Variants in PCCA observed in about 807,000 individuals in gnomAD.
The protein encoded by PCCA is propionyl-CoA carboxylase alpha chain, mitochondrial.
Under a neutral mutation model 101.3 loss-of-function variants are expected in PCCA, and 74 were observed. The observed-to-expected ratio is 0.73, with a 90% CI of 0.61 to 0.89. The LOEUF (loss-of-function observed/expected upper bound fraction) is 0.89. Ranked by LOEUF, PCCA falls within the 40% of genes least tolerant of loss-of-function variation. PCCA has a pLI of 0.00. For synonymous variants in PCCA, 294 were observed against 313.6 expected, an observed-to-expected ratio of 0.94 and a Z score of 0.66; for missense variants, 891 against 907.0, an observed-to-expected ratio of 0.98 and a Z score of 0.23.
At chr13:100,458,371 C>G (rs907498216) in intron 21 of PCCA, among the ~76,000 whole-genome samples, 5 of 146,872 alleles carry the variant, frequency 3.4e-5, no homozygotes, top group African/African-American at 1.3e-4. Flanking sequence ...TACACACACA[C>G]ACACACACAC....
At chr13:100,351,622 T>G (rs2073276429) in intron 18 of PCCA, among the ~76,000 whole-genome samples, 1 of 152,182 alleles carries the variant, frequency 6.6e-6, no homozygotes, top group African/African-American at 2.4e-5. Context: ...TGTACTAGAA[T>G]GAGATTAGAC....
In PCCA at chr13:100,273,109, A is replaced by G; in HGVS notation, c.915-87A>G. 4 of 955,520 alleles carry G rather than the reference A, an allele frequency of 4.2e-6. No homozygotes were observed. The South Asian group carries it at 5.5e-5, about 13-fold the overall frequency. 59.2% of individuals were successfully genotyped at this position (955,520 alleles called of 1,614,324 possible). A position where few individuals can be genotyped will look rare whatever the true frequency, so the allele number is the denominator to read the frequency against. On this transcript the variant is annotated intron_variant, in intron 11 of 23. Coordinates refer to ENST00000376285, the MANE Select transcript of PCCA (RefSeq NM_000282.4). ...GGTATAGATGATCTATATCTGAGTA[A>G]ACTTTAAGAAAATGTTTATGTAATG...
chr13:100,268,557 G>A, intron 10 of PCCA, 132 bp from the exon 11 acceptor site: 1 of 759,144 alleles, frequency 1.3e-6, no homozygotes, highest in Non-Finnish European at 2.4e-6. Flanking sequence ...TCAAAATAAT[G>A]TTTTGAGAGG....
chr13:100,185,360 T>G (rs2057163071), intron 6 of PCCA, among the ~76,000 whole-genome samples: 1 of 149,962 alleles, frequency 6.7e-6, no homozygotes, highest in Admixed American at 6.6e-5. Context: ...ATTTTCTTTT[T>G]TTCTTTCTTT....
intron 21 of PCCA, among the ~76,000 whole-genome samples, chr13:100,460,861 C>G (rs897289645): frequency 6.6e-6 from 1 of 152,140 alleles, no homozygotes; most frequent in Non-Finnish European, 1.5e-5. Flanking sequence ...GATAATTCAT[C>G]TAGTTGAATT....
chr13:100,145,865 A>G (rs1193580581), intron 4 of PCCA, among the ~76,000 whole-genome samples: 1 of 151,550 alleles, frequency 6.6e-6, no homozygotes, highest in Non-Finnish European at 1.5e-5. Flanking sequence ...CCGTCTCAAA[A>G]AAAAAAAAAA....
At chr13:100,116,633 C>A (rs2048824876) in intron 4 of PCCA, among the ~76,000 whole-genome samples, 1 of 136,984 alleles carries the variant, frequency 7.3e-6, no homozygotes, top group Non-Finnish European at 1.7e-5. Context: ...TTTTTAGATA[C>A]CATGAACAAG....
At chr13:100,378,678 A>G (rs148653513) in intron 19 of PCCA, among the ~76,000 whole-genome samples, 196 of 152,172 alleles carry the variant, frequency 1.3e-3, no homozygotes, top group African/African-American at 4.4e-3. Flanking sequence ...ACTTCTCTTC[A>G]TGCTTTGAGA....
At chr13:100,193,164 G>T (rs2057855577) in intron 6 of PCCA, among the ~76,000 whole-genome samples, 1 of 152,182 alleles carries the variant, frequency 6.6e-6, no homozygotes, top group Admixed American at 6.5e-5. Flanking sequence ...AGATGGGCCT[G>T]AGAAGGTGAT....
At chr13:100,401,995 G>A (rs2077393812) in intron 19 of PCCA, among the ~76,000 whole-genome samples, 2 of 152,136 alleles carry the variant, frequency 1.3e-5, no homozygotes, top group African/African-American at 4.8e-5. Flanking sequence ...GCTATGGTAA[G>A]TATGCTGGGG....
chr13:100,221,277 C>T (rs894778175), intron 7 of PCCA, among the ~76,000 whole-genome samples: 3 of 152,170 alleles, frequency 2.0e-5, no homozygotes, highest in South Asian at 2.1e-4. Context: ...GAAATTGGAC[C>T]TCTACCCAGT....
At chr13:100,445,084 G>A (rs972280222) in intron 20 of PCCA, among the ~76,000 whole-genome samples, 1 of 152,154 alleles carries the variant, frequency 6.6e-6, no homozygotes, top group Non-Finnish European at 1.5e-5. Context: ...GAAGGCAAAG[G>A]GGAGCTGGTG....
At chr13:100,303,673 CTG>C (rs2066241999) in intron 14 of PCCA, among the ~76,000 whole-genome samples, 1 of 151,966 alleles carries the variant, frequency 6.6e-6, no homozygotes, top group African/African-American at 2.4e-5. Flanking sequence ...GCTGTACCAT[CTG>C]TGAATATTCA....
chr13:100,172,405 T>A (rs1445053656), intron 6 of PCCA, among the ~76,000 whole-genome samples: 1 of 152,154 alleles, frequency 6.6e-6, no homozygotes, highest in African/African-American at 2.4e-5. Flanking sequence ...AGATCATAAA[T>A]TGATTTTTAA....
chr13:100,160,228 C>T (rs568347676), intron 6 of PCCA, among the ~76,000 whole-genome samples: 14 of 152,148 alleles, frequency 9.2e-5, no homozygotes, highest in African/African-American at 2.6e-4. Context: ...GTGGGCCGGG[C>T]GCGGTGGCTC....
chr13:100,148,263 T>C (rs1351017446), intron 4 of PCCA, among the ~76,000 whole-genome samples: 4 of 152,150 alleles, frequency 2.6e-5, no homozygotes, highest in African/African-American at 9.7e-5. Flanking sequence ...CAGGTGTTTT[T>C]ACCTAGTTAT....
intron 6 of PCCA, among the ~76,000 whole-genome samples, chr13:100,181,770 C>CTT (rs11329867): frequency 7.7e-6 from 1 of 130,450 alleles, no homozygotes. Context: ...TTCTTTTTTT[C>CTT]TTTTTTTTTT....
chr13:100,335,722 A>G (rs2070342434), intron 17 of PCCA, among the ~76,000 whole-genome samples: 1 of 152,080 alleles, frequency 6.6e-6, no homozygotes. Context: ...ATGTGGTGAC[A>G]CTCTCTGCCC....
At chr13:100,421,830 A>C (rs2152887418) in intron 19 of PCCA, among the ~76,000 whole-genome samples, 1 of 152,022 alleles carries the variant, frequency 6.6e-6, no homozygotes, top group Middle Eastern at 3.4e-3. Flanking sequence ...GACTACAGGC[A>C]CCCACTACCA....
Sources: allele counts gnomAD v4.1 joint callset (sites outside exome capture counted in the v4.1 genomes callset), GRCh38; gene constraint gnomAD v4.1.1; transcripts MANE v1.5; gene names NCBI Gene and HGNC (gene_info 2026-07-23, HGNC 2026-07-21).